The following GDAP2 variants were observed in gnomAD, a reference collection of about 807,000 sequenced individuals.
GDAP2 encodes ganglioside induced differentiation associated protein 2.
Under a neutral mutation model 67.0 loss-of-function variants are expected in GDAP2, and 51 were observed. The ratio of observed to expected loss-of-function variants is 0.76; its 90% CI spans 0.61 to 0.96. The LOEUF (loss-of-function observed/expected upper bound fraction) is 0.96, where lower values mean the gene tolerates loss of function less well. Ranked by LOEUF, GDAP2 falls within the 40% of genes least tolerant of loss-of-function variation. The probability of loss-of-function intolerance (pLI) is 0.00; values close to 1 mark genes in which losing one functional copy is unlikely to be tolerated. For synonymous variants in GDAP2, 203 were observed against 207.3 expected (o/e 0.98, Z 0.18); for missense variants, 547 against 588.3 (o/e 0.93, Z 0.73).
intron 11 of GDAP2, chr1:117,882,756 G>GAGAAGT (rs1648699492): frequency 6.6e-6 from 1 of 152,140 alleles, no homozygotes; most frequent in South Asian, 2.1e-4. Flanking sequence ...GATTTAATGG[G>GAGAAGT]AGAAGTAGGA....
chr1:117,929,381 C>G (rs932759348), intron 1 of GDAP2, 67 bp downstream of exon 1: 2 of 152,844 alleles, frequency 1.3e-5, no homozygotes, highest in Non-Finnish European at 2.9e-5. Context: ...GAGTCCCGAG[C>G]GCCTCGGACC....
chr1:117,887,233 A>C (rs1648888599), intron 9 of GDAP2, among the ~76,000 whole-genome samples: 1 of 152,090 alleles, frequency 6.6e-6, no homozygotes, highest in South Asian at 2.1e-4. Flanking sequence ...CCCAGCCCCC[A>C]AAAACTTTTT....
chr1:117,924,102 C>T (rs1481952561), intron 1 of GDAP2, among the ~76,000 whole-genome samples: 2 of 152,172 alleles, frequency 1.3e-5, no homozygotes, highest in South Asian at 2.1e-4. Context: ...CACATAATTT[C>T]GAGTCTCTCT....
At chr1:117,924,240 G>T (rs1036922623) in intron 1 of GDAP2, among the ~76,000 whole-genome samples, 1 of 152,166 alleles carries the variant, frequency 6.6e-6, no homozygotes, top group Non-Finnish European at 1.5e-5. Context: ...CCAGTAATAA[G>T]CATAGTACCT....
At chr1:117,901,983 T>C (rs1163172782) in intron 6 of GDAP2, among the ~76,000 whole-genome samples, 1 of 152,128 alleles carries the variant, frequency 6.6e-6, no homozygotes, top group Non-Finnish European at 1.5e-5. Flanking sequence ...AAACTGTAAG[T>C]CCTGCCCTGC....
chr1:117,917,940 A>G (rs1194323773), intron 3 of GDAP2, among the ~76,000 whole-genome samples: 1 of 152,112 alleles, frequency 6.6e-6, no homozygotes, highest in Non-Finnish European at 1.5e-5. Context: ...CTTACAGTCA[A>G]AATTCAGTTT....
At chr1:117,920,849 G>C (rs1178288864) in intron 1 of GDAP2, among the ~76,000 whole-genome samples, 1 of 152,122 alleles carries the variant, frequency 6.6e-6, no homozygotes, top group Non-Finnish European at 1.5e-5. Flanking sequence ...AAAATGAAAA[G>C]CTGGGAGGTT....
At chr1:117,888,729 T>C (rs1281051501) in intron 8 of GDAP2, among the ~76,000 whole-genome samples, 1 of 152,110 alleles carries the variant, frequency 6.6e-6, no homozygotes, top group Non-Finnish European at 1.5e-5. Context: ...AAAGCACAAC[T>C]AGGAGAGGGG....
chr1:117,904,309 G>A (rs1441251828), intron 6 of GDAP2, among the ~76,000 whole-genome samples: 2 of 152,062 alleles, frequency 1.3e-5, no homozygotes, highest in Non-Finnish European at 2.9e-5. Context: ...AGGAAATATG[G>A]TATTTTCATT....
At chr1:117,877,665 T>C (rs1040952701) in intron 13 of GDAP2, 16 of 1,021,770 alleles carry the variant, frequency 1.6e-5, no homozygotes, top group Non-Finnish European at 1.9e-5. Flanking sequence ...TAAATTCTTC[T>C]GGCTCTGTGT....
chr1:117,903,964 A>G (rs921617525), intron 6 of GDAP2, among the ~76,000 whole-genome samples: 2 of 151,876 alleles, frequency 1.3e-5, no homozygotes, highest in African/African-American at 4.8e-5. Context: ...CTCAAATTCA[A>G]TAATCTATGA....
At chr1:117,892,173 C>T (rs1462362304) in intron 8 of GDAP2, among the ~76,000 whole-genome samples, 1 of 152,104 alleles carries the variant, frequency 6.6e-6, no homozygotes, top group Non-Finnish European at 1.5e-5. Flanking sequence ...AATTAAGTCT[C>T]TGCCATTACC....
chr1:117,872,606 C>T (rs377617455), intron 13 of GDAP2, among the ~76,000 whole-genome samples: 8 of 151,334 alleles, frequency 5.3e-5, no homozygotes, highest in East Asian at 1.9e-4. Context: ...ACCCAAACAC[C>T]GCATGTTCTC....
chr1:117,896,773 A>T, intron 8 of GDAP2, 60 bp downstream of exon 8: 1 of 1,157,386 alleles, frequency 8.6e-7, no homozygotes, highest in African/African-American at 1.6e-5. Context: ...ATCAGATGCA[A>T]GGTTCCTTTC....
chr1:117,928,028 T>C (rs1650516849), intron 1 of GDAP2, among the ~76,000 whole-genome samples: 1 of 152,216 alleles, frequency 6.6e-6, no homozygotes, highest in South Asian at 2.1e-4. Context: ...TAAAATCATT[T>C]TTTTCCATCT....
chr1:117,909,510 T>C (rs1292852762), intron 5 of GDAP2, among the ~76,000 whole-genome samples: 1 of 152,208 alleles, frequency 6.6e-6, no homozygotes, highest in African/African-American at 2.4e-5. Flanking sequence ...AGTTATATCA[T>C]TAGATTTGTT....
chr1:117,892,791 AC>A (rs1649130632), intron 8 of GDAP2, among the ~76,000 whole-genome samples: 1 of 152,036 alleles, frequency 6.6e-6, no homozygotes. Flanking sequence ...AAAAATTTAA[AC>A]TGTATCACTC....
intron 8 of GDAP2, among the ~76,000 whole-genome samples, chr1:117,895,089 A>G (rs1232308399): frequency 1.3e-5 from 2 of 152,208 alleles, no homozygotes; most frequent in African/African-American, 4.8e-5. Flanking sequence ...AAATCTGTCC[A>G]AAGTACAGAA....
chr1:117,905,524 CA>C (rs772121367), intron 6 of GDAP2, among the ~76,000 whole-genome samples: 22 of 152,170 alleles, frequency 1.4e-4, no homozygotes, highest in Non-Finnish European at 2.5e-4. Flanking sequence ...AACCCCGTGC[CA>C]GGCTAAAGTT....
Sources: allele counts gnomAD v4.1 joint callset (sites outside exome capture counted in the v4.1 genomes callset), GRCh38; gene constraint gnomAD v4.1.1; transcripts MANE v1.5; gene names NCBI Gene and HGNC (gene_info 2026-07-23, HGNC 2026-07-21).